JMJD1C: variants seen among roughly 807,000 people sequenced by gnomAD.
The protein encoded by JMJD1C is jumonji domain-containing protein 1C.
Under a neutral mutation model 245.3 loss-of-function variants are expected in JMJD1C, and 31 were observed. The ratio of observed to expected loss-of-function variants is 0.13; its 90% CI spans 0.09 to 0.17. The LOEUF (loss-of-function observed/expected upper bound fraction) is 0.17. JMJD1C is among the 10% of genes least tolerant of loss of function. JMJD1C has a pLI of 1.00. For synonymous variants in JMJD1C, 1,057 were observed against 1,017.4 expected (o/e 1.04, Z -0.74); for missense variants, 2,691 against 3,000.2 (o/e 0.90, Z 2.41).
chr10:63,264,938 G>A (rs769327081), intron 2 of JMJD1C, among the ~76,000 whole-genome samples, 174 bp from the exon 3 acceptor site: 1 of 152,006 alleles, frequency 6.6e-6, no homozygotes, highest in Non-Finnish European at 1.5e-5. Flanking sequence ...TAAGGTATCT[G>A]TGTTTATTTA....
chr10:63,396,375 T>A (rs1189830160), intron 1 of JMJD1C, among the ~76,000 whole-genome samples: 3 of 152,124 alleles, frequency 2.0e-5, no homozygotes, highest in Non-Finnish European at 4.4e-5. Flanking sequence ...TCCTAAGAGA[T>A]AAAAAAGAAC....
chr10:63,327,348 A>G (rs915785845), intron 2 of JMJD1C, among the ~76,000 whole-genome samples: 3 of 152,218 alleles, frequency 2.0e-5, no homozygotes, highest in African/African-American at 7.2e-5. Context: ...ATAAGCCTAC[A>G]CAACTGTGGT....
intron 3 of JMJD1C, among the ~76,000 whole-genome samples, chr10:63,220,533 A>C (rs1848477505): frequency 6.6e-6 from 1 of 152,208 alleles, no homozygotes; most frequent in Non-Finnish European, 1.5e-5. Flanking sequence ...ACTAGCGCCA[A>C]AGCATCCAGA....
chr10:63,400,239 T>C (rs944393254), intron 1 of JMJD1C, among the ~76,000 whole-genome samples: 1 of 152,334 alleles, frequency 6.6e-6, no homozygotes, highest in South Asian at 2.1e-4. Context: ...TGTCATTTTG[T>C]ATTTTTGCCA....
At chr10:63,517,414 T>TATGATA in intron 1 of JMJD1C, among the ~76,000 whole-genome samples, 1 of 152,194 alleles carries the variant, frequency 6.6e-6, no homozygotes, top group African/African-American at 2.4e-5. Flanking sequence ...CATAACAGTA[T>TATGATA]CATCCCCATA....
At chr10:63,356,888 G>C (rs1035423085) in intron 2 of JMJD1C, among the ~76,000 whole-genome samples, 1 of 152,044 alleles carries the variant, frequency 6.6e-6, no homozygotes, top group Non-Finnish European at 1.5e-5. Flanking sequence ...TCTGACTTTA[G>C]CAAGTTAATT....
intron 1 of JMJD1C, among the ~76,000 whole-genome samples, chr10:63,474,420 G>A (rs1953594289): frequency 6.6e-6 from 1 of 152,034 alleles, no homozygotes; most frequent in South Asian, 2.1e-4. Flanking sequence ...CAAAGGATGG[G>A]GATGAAATAG....
At chr10:63,181,591 A>G (rs934788921) in intron 22 of JMJD1C, among the ~76,000 whole-genome samples, 16 of 152,150 alleles carry the variant, frequency 1.1e-4, no homozygotes, top group African/African-American at 3.9e-4. Context: ...AAAAGTGACA[A>G]AAACTTTTTA....
chr10:63,475,811 C>A (rs988261031), intron 1 of JMJD1C, among the ~76,000 whole-genome samples: 5 of 152,204 alleles, frequency 3.3e-5, no homozygotes, highest in Non-Finnish European at 5.9e-5. Context: ...CTCTGAAGTT[C>A]AGGTGCGCAG....
chr10:63,294,180 G>A (rs1161787992), intron 2 of JMJD1C, among the ~76,000 whole-genome samples: 2 of 151,708 alleles, frequency 1.3e-5, no homozygotes, highest in Admixed American at 6.6e-5. Context: ...GGTCATTTTC[G>A]TAATTATGCG....
intron 3 of JMJD1C, among the ~76,000 whole-genome samples, chr10:63,240,305 A>C (rs1851325130): frequency 6.6e-6 from 1 of 152,200 alleles, no homozygotes; most frequent in African/African-American, 2.4e-5. Context: ...ATAAACACTA[A>C]ATCTTCTACA....
chr10:63,402,792 T>C (rs1231894027), intron 1 of JMJD1C, among the ~76,000 whole-genome samples: 1 of 152,172 alleles, frequency 6.6e-6, no homozygotes, highest in African/African-American at 2.4e-5. Context: ...GAATAACATG[T>C]TAAAAACCTC....
At chr10:63,261,276 C>T (rs955427811) in intron 3 of JMJD1C, among the ~76,000 whole-genome samples, 7 of 152,016 alleles carry the variant, frequency 4.6e-5, no homozygotes, top group Admixed American at 1.3e-4. Flanking sequence ...CCCAACTAAA[C>T]GTCACCCAAA....
chr10:63,507,441 C>G (rs957113143), intron 1 of JMJD1C, among the ~76,000 whole-genome samples: 1 of 151,716 alleles, frequency 6.6e-6, no homozygotes, highest in Non-Finnish European at 1.5e-5. Flanking sequence ...GTCAGGAGAT[C>G]GAGACCAGCC....
chr10:63,197,682 T>C, intron 12 of JMJD1C, 119 bp from the exon 13 acceptor site: 1 of 788,204 alleles, frequency 1.3e-6, no homozygotes, highest in Non-Finnish European at 1.9e-6. Context: ...CAAGGCTATA[T>C]TAACTGAAGA....
rs78261632 is a variant in JMJD1C, at chr10:63,172,855, A to C, written c.7401+3442T>G. Among the ~76,000 whole-genome samples the C allele has an allele frequency of 1.3e-3, 195 of 149,466 alleles. 1 individual carries two copies. The East Asian group carries it at 0.016, about 12-fold the overall frequency. On this transcript the variant is annotated intron_variant, in intron 24 of 25. Transcript: ENST00000399262. ...GAAACATACTTGGTGTGTGTGAAAGAAGCAAAGAGGGCAGGATGGCTAGAG... is the reference window on the plus strand; with the variant it reads ...GAAACATACTTGGTGTGTGTGAAAGCAGCAAAGAGGGCAGGATGGCTAGAG...
intron 2 of JMJD1C, among the ~76,000 whole-genome samples, chr10:63,290,155 G>T (rs1858471645): frequency 6.6e-6 from 1 of 152,018 alleles, no homozygotes; most frequent in East Asian, 1.9e-4. Flanking sequence ...AACCTTAAAG[G>T]AAGGTCTAAA....
rs981377591 is a variant in JMJD1C, at chr10:63,427,701, C to G, written c.168+37794G>C. ...GCAGAGAAGCCTGGGTCTCCTCTAG[C>G]TTATTTGGTGTCTCCAGAAGTGTCC... On this transcript the variant is annotated intron_variant, in intron 1 of 25. Transcript: ENST00000399262. 3 of 1,315,410 alleles carry G rather than the reference C, an allele frequency of 2.3e-6. No individual in the cohort carries two copies. The East Asian group carries it at 7.0e-5, about 30-fold the overall frequency. 81.5% of individuals were successfully genotyped at this position (1,315,410 alleles called of 1,614,324 possible).
chr10:63,375,203 T>TC (rs1164076256), intron 2 of JMJD1C, among the ~76,000 whole-genome samples: 67 of 149,302 alleles, frequency 4.5e-4, no homozygotes, highest in Admixed American at 7.3e-4. Context: ...TTTTTTTTTT[T>TC]TGAGGCAAGG....
Sources: gnomAD v4.1 joint callset for allele counts (sites outside exome capture counted in the v4.1 genomes callset) on GRCh38, gnomAD v4.1.1 for gene constraint, MANE v1.5 for transcripts, NCBI Gene and HGNC (gene_info 2026-07-23, HGNC 2026-07-21) for gene names.